DLGAP2: variants seen among roughly 807,000 people sequenced by gnomAD.
The protein encoded by DLGAP2 is disks large-associated protein 2.
A neutral mutation model predicts 100.3 loss-of-function variants in DLGAP2; 26 were observed. The ratio of observed to expected loss-of-function variants is 0.26; its 90% CI spans 0.19 to 0.36. DLGAP2 has a LOEUF of 0.36. Among genes scored for constraint, DLGAP2 ranks in the 10% least tolerant of loss-of-function variants. The pLI, the probability that DLGAP2 is intolerant of heterozygous loss-of-function variation, is 1.00. For missense variants in DLGAP2, 1,858 were observed against 1,453.2 expected (o/e 1.28, Z -4.53); for synonymous variants, 886 against 630.1 (o/e 1.41, Z -6.08).
rs370050230 is a variant in DLGAP2 at position 1,549,604 on chromosome 8, G to A, written c.1151G>A (p.Arg384His). The A allele has an allele frequency of 1.9e-6, 3 of 1,597,308 alleles. No homozygotes were observed. Among genetic ancestry groups the A allele is most frequent in the Admixed American group, 3.5e-5 (2 of 57,122 alleles). Reference sequence around the variant, plus strand: ...GTCAGCCAGGCCAAGGAGGCCTACCGCAAGAGCTCGCTGAACCTGGACAAG... The same window carrying A: ...GTCAGCCAGGCCAAGGAGGCCTACCACAAGAGCTCGCTGAACCTGGACAAG... Reference protein sequence around the residue: ...LTVSQAKEAYRKSSLNLDKPL... With the variant: ...LTVSQAKEAYHKSSLNLDKPL... The change falls in exon 5 of 15, where the codon CGC (arginine) becomes CAC (histidine). Residue 384 changes from arginine to histidine, a missense_variant. Transcript: ENST00000637795.
chr8:1,057,746 T>C (rs1802926733), intron 2 of DLGAP2, among the ~76,000 whole-genome samples: 1 of 152,204 alleles, frequency 6.6e-6, no homozygotes, highest in Non-Finnish European at 1.5e-5. Context: ...TGTTCATTGA[T>C]ACTAACACCA....
chr8:1,294,913 G>C (rs1465040768), intron 3 of DLGAP2, among the ~76,000 whole-genome samples: 3 of 149,732 alleles, frequency 2.0e-5, no homozygotes, highest in Admixed American at 6.7e-5. Context: ...TACTAATTTT[G>C]TTATGTAGCA....
At chr8:1,528,069 A>G (rs955129106) in intron 4 of DLGAP2, among the ~76,000 whole-genome samples, 2 of 152,254 alleles carry the variant, frequency 1.3e-5, no homozygotes, top group African/African-American at 2.4e-5. Context: ...TGGAGGAACC[A>G]TCAATAACGT....
chr8:819,293 A>G (rs1389775381), intron 1 of DLGAP2, among the ~76,000 whole-genome samples: 4 of 152,260 alleles, frequency 2.6e-5, no homozygotes, highest in African/African-American at 9.6e-5. Flanking sequence ...ATCAATAGAT[A>G]TCGTAGGACC....
intron 3 of DLGAP2, among the ~76,000 whole-genome samples, chr8:1,377,142 C>T (rs764457925): frequency 1.3e-5 from 2 of 152,200 alleles, no homozygotes; most frequent in African/African-American, 4.8e-5. Flanking sequence ...TCCTCGGGGC[C>T]CAGCCCCACA....
At chr8:1,324,370 C>A (rs1800973328) in intron 3 of DLGAP2, among the ~76,000 whole-genome samples, 1 of 152,184 alleles carries the variant, frequency 6.6e-6, no homozygotes, top group Non-Finnish European at 1.5e-5. Flanking sequence ...TTTGACTTTA[C>A]AACACTGTAA....
At chr8:1,553,211 GCCT>G (rs1801834774) in intron 5 of DLGAP2, among the ~76,000 whole-genome samples, 1 of 152,156 alleles carries the variant, frequency 6.6e-6, no homozygotes, top group African/African-American at 2.4e-5. Flanking sequence ...CTGTCCTCAG[GCCT>G]CCTCTCTGCA....
At chr8:994,340 A>G (rs1800725126) in intron 2 of DLGAP2, among the ~76,000 whole-genome samples, 1 of 152,092 alleles carries the variant, frequency 6.6e-6, no homozygotes, top group Admixed American at 6.5e-5. Context: ...AGCTGGGATT[A>G]CAGGCATGGG....
intron 2 of DLGAP2, among the ~76,000 whole-genome samples, chr8:1,192,053 C>G (rs1797651672): frequency 6.6e-6 from 1 of 152,184 alleles, no homozygotes; most frequent in Admixed American, 6.5e-5. Context: ...CGCTGCCAGC[C>G]TCCCAGGGCT....
At chr8:1,232,708 G>A (rs1286924021) in intron 2 of DLGAP2, among the ~76,000 whole-genome samples, 2 of 152,194 alleles carry the variant, frequency 1.3e-5, no homozygotes, top group Admixed American at 6.5e-5. Context: ...CACAAGACAA[G>A]GTGCATGTTC....
rs1290642653 is a variant in DLGAP2, at chr8:1,549,382, G to A, written c.929G>A (p.Arg310Gln). Residue 310 changes from arginine (R) to glutamine (Q), a missense_variant, in exon 5 of 15, where the codon CGG (arginine) becomes CAG (glutamine). Arg to Gln is a conservative substitution (Grantham distance 43). Transcript: ENST00000637795. ...AACCTGGACAGCGACAGCACCTATCGGACGCCCAGCGTGCTCAACCGGCAC... is the reference window on the plus strand; with the variant it reads ...AACCTGGACAGCGACAGCACCTATCAGACGCCCAGCGTGCTCAACCGGCAC... ...DDNLDSDSTY[R>Q]TPSVLNRHHL... 2.5e-6 allele frequency: 4 copies of A among 1,613,444 alleles called. No individual in the cohort carries two copies. Among genetic ancestry groups the A allele is most frequent in the Middle Eastern group, 1.6e-4 (1 of 6,062 alleles).
intron 1 of DLGAP2, among the ~76,000 whole-genome samples, chr8:841,766 T>C (rs563379755): frequency 6.6e-6 from 1 of 152,312 alleles, no homozygotes; most frequent in East Asian, 1.9e-4. Context: ...TTTTGAAGAC[T>C]AACCGTCACA....
At chr8:1,295,669 T>A (rs7388633) in intron 3 of DLGAP2, among the ~76,000 whole-genome samples, 30,074 of 152,170 alleles carry the variant, frequency 0.2, 3,103 homozygotes, top group East Asian at 0.32. Flanking sequence ...AAAGCCAATT[T>A]GGATCCTTTA....
At chr8:1,329,478 A>G (rs1399064209) in intron 3 of DLGAP2, among the ~76,000 whole-genome samples, 2 of 152,204 alleles carry the variant, frequency 1.3e-5, no homozygotes, top group Non-Finnish European at 2.9e-5. Flanking sequence ...TTTCAAATCT[A>G]TCATTTCTTC....
chr8:1,506,740 G>C (rs574461674), intron 4 of DLGAP2, among the ~76,000 whole-genome samples: 1 of 152,264 alleles, frequency 6.6e-6, no homozygotes, highest in South Asian at 2.1e-4. Flanking sequence ...GTTTTGACAG[G>C]GTGCTGATTG....
intron 6 of DLGAP2, among the ~76,000 whole-genome samples, chr8:1,616,581 G>C (rs1252269149): frequency 6.6e-6 from 1 of 152,154 alleles, no homozygotes; most frequent in Non-Finnish European, 1.5e-5. Flanking sequence ...GAAGACAATG[G>C]AATCATACCT....
chr8:875,149 G>A (rs1020364437), intron 1 of DLGAP2, among the ~76,000 whole-genome samples: 2 of 152,132 alleles, frequency 1.3e-5, no homozygotes, highest in African/African-American at 4.8e-5. Flanking sequence ...TCTTTAAAGT[G>A]TATCTCCACT....
chr8:1,215,425 G>A (rs979709957), intron 2 of DLGAP2, among the ~76,000 whole-genome samples: 3 of 151,452 alleles, frequency 2.0e-5, no homozygotes, highest in Admixed American at 6.6e-5. Context: ...ACCTGGAGAC[G>A]TCCAGGTACC....
At chr8:1,631,626 C>T (rs564942382) in intron 7 of DLGAP2, among the ~76,000 whole-genome samples, 52 of 152,290 alleles carry the variant, frequency 3.4e-4, no homozygotes, top group African/African-American at 1.2e-3. Flanking sequence ...AAAAGGCCAC[C>T]CCGCCGGCAT....
Sources: allele counts gnomAD v4.1 joint callset (sites outside exome capture counted in the v4.1 genomes callset), GRCh38; gene constraint gnomAD v4.1.1; transcripts MANE v1.5; gene names NCBI Gene and HGNC (gene_info 2026-07-23, HGNC 2026-07-21).